Variants in OTOG observed in about 807,000 individuals in gnomAD.
OTOG encodes the protein otogelin.
In OTOG, 296 loss-of-function variants were observed where a neutral mutation model predicts 313.8. The ratio of observed to expected loss-of-function variants is 0.94; its 90% confidence interval spans 0.86 to 1.04. OTOG has a LOEUF of 1.04. Ranked by LOEUF, OTOG falls within the 50% of genes least tolerant of loss-of-function variation. The pLI, the probability that OTOG is intolerant of heterozygous loss-of-function variation, is 0.00. For synonymous variants in OTOG, 1,533 were observed against 1,554.9 expected, an observed-to-expected ratio of 0.99 and a Z score of 0.33; for missense variants, 3,948 against 3,840.1, an observed-to-expected ratio of 1.03 and a Z score of -0.74.
intron 19 of OTOG, among the ~76,000 whole-genome samples, chr11:17,573,817 A>G (rs1394928663): frequency 6.6e-6 from 1 of 152,234 alleles, no homozygotes; most frequent in Non-Finnish European, 1.5e-5. Context: ...GAATAAATGA[A>G]AAAGGCACTG....
chr11:17,561,804 C>G lies in OTOG; in HGVS notation c.1641C>G (p.Gly547=), dbSNP rs535620249. Residue 547 remains glycine (G), a synonymous_variant, in exon 15 of 56, where the codon GGC becomes GGG. Transcript: ENST00000399397. ...FTVTLQNAPC[G]LNQDGACVQS... is the part of the protein sequence containing the mutation. ...TGACATTGCAGAATGCCCCATGTGGCCTGGTAAGAGCTGGGGATCCCCAGG... is the reference window on the plus strand; with the variant it reads ...TGACATTGCAGAATGCCCCATGTGGGCTGGTAAGAGCTGGGGATCCCCAGG... The G allele has an allele frequency of 3.9e-6, 6 of 1,550,158 alleles. No homozygotes were observed. The Admixed American group carries it at 9.8e-5, about 25-fold the overall frequency.
chr11:17,591,643 T>C (rs1852939901), intron 25 of OTOG, 55 bp downstream of exon 25: 2 of 1,537,162 alleles, frequency 1.3e-6, no homozygotes, highest in African/African-American at 1.4e-5. Context: ...GTCAGGGCAC[T>C]CTGGTGCTCT....
rs1383439178 is a variant in OTOG at position 17,610,884 on chromosome 11, C to T, written c.5584C>T (p.Pro1862Ser). ...AGCAGCAATGACCCAGGCGCACCCACCCACTCACATAGCACCCCCAGCAGC... is the reference window on the plus strand; with the variant it reads ...AGCAGCAATGACCCAGGCGCACCCATCCACTCACATAGCACCCCCAGCAGC... ...TPAAMTQAHP[P>S]THIAPPAAGT... Residue 1862 changes from proline to serine, a missense_variant, in exon 36 of 56, where the codon CCC (proline) becomes TCC (serine). Coordinates refer to ENST00000399397, the MANE Select transcript of OTOG (RefSeq NM_001292063.2). 2 of 1,550,772 alleles carry T rather than the reference C, an allele frequency of 1.3e-6. No homozygotes were observed. The highest frequency in any genetic ancestry group is 2.4e-5 in the South Asian group (2 of 84,056).
intron 23 of OTOG, among the ~76,000 whole-genome samples, chr11:17,583,133 A>C (rs1209034801): frequency 1.3e-5 from 2 of 151,396 alleles, no homozygotes; most frequent in East Asian, 3.9e-4. Flanking sequence ...TAATTAATTT[A>C]TTATTATTAT....
At chr11:17,600,782 G>A (rs1286039528) in intron 31 of OTOG, among the ~76,000 whole-genome samples, 2 of 152,196 alleles carry the variant, frequency 1.3e-5, no homozygotes, top group Non-Finnish European at 1.5e-5. Context: ...GAGCTGTTTC[G>A]TTTTCTCTCT....
At chr11:17,552,615 T>TGTGTCCCC (rs1454853324) in intron 4 of OTOG, among the ~76,000 whole-genome samples, 63 of 150,766 alleles carry the variant, frequency 4.2e-4, no homozygotes, top group Admixed American at 6.6e-4. Context: ...CCACCTGTCC[T>TGTGTCCCC]CTCACATCAT....
intron 51 of OTOG, 102 bp downstream of exon 51, chr11:17,641,193 C>A (rs896153900): frequency 2.3e-6 from 3 of 1,299,380 alleles, no homozygotes; most frequent in Non-Finnish European, 2.1e-6. Context: ...TGCCCTAAAC[C>A]CCCAGGACAA....
intron 6 of OTOG, among the ~76,000 whole-genome samples, chr11:17,555,252 G>A (rs2134001533): frequency 6.6e-6 from 1 of 151,972 alleles, no homozygotes; most frequent in Admixed American, 6.6e-5. Context: ...GCACAGGAGT[G>A]AGATGTGTGC....
At chr11:17,584,391 C>T (rs998362595) in intron 23 of OTOG, among the ~76,000 whole-genome samples, 3 of 152,188 alleles carry the variant, frequency 2.0e-5, no homozygotes, top group Non-Finnish European at 4.4e-5. Flanking sequence ...TTGGATAAAG[C>T]AGTCAATCTT....
Position 17,602,294 on chromosome 11 carries a change from T to C in OTOG, c.3794T>C (p.Val1265Ala). 1 of 1,550,586 alleles carries C rather than the reference T, an allele frequency of 6.4e-7. No homozygotes were observed. The highest frequency in any genetic ancestry group is 8.7e-7 in the Non-Finnish European group (1 of 1,146,960). Residue 1265 changes from valine (V) to alanine (A), a missense_variant, in exon 32 of 56, where the codon GTC becomes GCC. Physicochemically the swap from Val to Ala is moderately conservative, Grantham distance 64. Transcript: ENST00000399397. ...ATGAAGGCGGTGGGCGATGACATAG[T>C]CCTAGTGAGGACAGAGGATGTGGCG... is the stretch of plus-strand genomic sequence containing the variant. ...VGMKAVGDDI[V>A]LVRTEDVAPA...
intron 15 of OTOG, among the ~76,000 whole-genome samples, chr11:17,562,237 C>CAAAA (rs759962274): frequency 6.1e-4 from 38 of 62,536 alleles, no homozygotes; most frequent in Admixed American, 7.1e-4. Context: ...GACTCCGTCT[C>CAAAA]AAAAAAAAAA....
chr11:17,584,745 T>TGAACTCATGGCCTC (rs1179222420), intron 23 of OTOG, among the ~76,000 whole-genome samples: 1 of 152,220 alleles, frequency 6.6e-6, no homozygotes, highest in African/African-American at 2.4e-5. Flanking sequence ...AGGATGGTCT[T>TGAACTCATGGCCTC]GAACTCATGG....
At chr11:17,616,672 A>G in intron 39 of OTOG, among the ~76,000 whole-genome samples, 1 of 152,100 alleles carries the variant, frequency 6.6e-6, no homozygotes, top group Non-Finnish European at 1.5e-5. Context: ...TTCACTTTCC[A>G]ATTGCTTATT....
At chr11:17,603,729 A>G (rs1853312200) in intron 32 of OTOG, among the ~76,000 whole-genome samples, 1 of 152,132 alleles carries the variant, frequency 6.6e-6, no homozygotes, top group Admixed American at 6.5e-5. Flanking sequence ...GTTGGGCCTT[A>G]AAGGATGGGA....
intron 33 of OTOG, among the ~76,000 whole-genome samples, chr11:17,606,368 G>A (rs1460894737): frequency 6.6e-6 from 1 of 152,246 alleles, no homozygotes; most frequent in East Asian, 1.9e-4. Flanking sequence ...CCTGGGTCCT[G>A]CCTTCTGCCA....
intron 22 of OTOG, 58 bp downstream of exon 22, chr11:17,576,969 G>A: frequency 6.6e-7 from 1 of 1,506,212 alleles, no homozygotes; most frequent in Non-Finnish European, 9.0e-7. Context: ...AAAGGAGAGT[G>A]GGGAGTGGAG....
At chr11:17,586,837 G>A (rs567404984) in intron 24 of OTOG, among the ~76,000 whole-genome samples, 8 of 152,290 alleles carry the variant, frequency 5.3e-5, no homozygotes, top group South Asian at 2.1e-4. Context: ...TGTAACCATG[G>A]CAATTTGTTT....
chr11:17,613,827 T>C, intron 39 of OTOG, 126 bp downstream of exon 39: 1 of 730,244 alleles, frequency 1.4e-6, no homozygotes. Context: ...GGGACCTTTT[T>C]TTAGAAAATA....
At chr11:17,596,220 C>G in intron 29 of OTOG, 66 bp downstream of exon 29, 2 of 1,138,262 alleles carry the variant, frequency 1.8e-6, no homozygotes, top group Non-Finnish European at 1.3e-6. Flanking sequence ...CCCTTCAGCT[C>G]TCAGACTCCC....
Sources: gnomAD v4.1 joint callset for allele counts (sites outside exome capture counted in the v4.1 genomes callset) on GRCh38, gnomAD v4.1.1 for gene constraint, MANE v1.5 for transcripts, NCBI Gene and HGNC (gene_info 2026-07-23, HGNC 2026-07-21) for gene names.